The following NCF4 variants were observed in gnomAD, a reference collection of about 807,000 sequenced individuals.
NCF4 encodes neutrophil cytosol factor 4.
Under a neutral mutation model 41.7 loss-of-function variants are expected in NCF4, and 30 were observed. That is an observed-to-expected ratio of 0.72 (90% CI 0.54 to 0.97). The LOEUF is 0.97. NCF4 is among the 50% of genes least tolerant of loss of function. The probability of loss-of-function intolerance (pLI) is 0.00; values close to 1 mark genes in which losing one functional copy is unlikely to be tolerated. For missense variants in NCF4, 432 were observed against 460.9 expected (o/e 0.94, Z 0.57); for synonymous variants, 195 against 175.8 (o/e 1.11, Z -0.87).
Position 36,862,996 on chromosome 22 carries a change from C to G in NCF4, c.33-1049C>G, listed in dbSNP as rs35920078. On this transcript the variant is annotated intron_variant, in intron 1 of 9. Coordinates refer to ENST00000248899, the MANE Select transcript of NCF4 (RefSeq NM_000631.5). ...TGAACTGTGCGAGTGTGTCTTGAGCCAGAACATCCCGGCCCAGTAGGGCCT... is the reference window on the plus strand; with the variant it reads ...TGAACTGTGCGAGTGTGTCTTGAGCGAGAACATCCCGGCCCAGTAGGGCCT... Among the ~76,000 whole-genome samples the G allele has an allele frequency of 2.2e-3, 342 of 152,270 alleles. 1 individual carries two copies. Among genetic ancestry groups the G allele is most frequent in the African/African-American group, 7.7e-3 (319 of 41,548 alleles).
At chr22:36,875,528 C>T in intron 7 of NCF4, 125 bp from the exon 8 acceptor site, 1 of 859,892 alleles carries the variant, frequency 1.2e-6, no homozygotes, top group Non-Finnish European at 1.9e-6. Flanking sequence ...TCCCTCCTCC[C>T]TCTACAGAAG....
chr22:36,877,185 G>A (rs537313111), intron 9 of NCF4, among the ~76,000 whole-genome samples: 1 of 151,954 alleles, frequency 6.6e-6, no homozygotes, highest in East Asian at 1.9e-4. Context: ...TGCCCAGGCT[G>A]GAGTGCAGTG....
intron 1 of NCF4, among the ~76,000 whole-genome samples, chr22:36,862,398 C>A (rs1569109140): frequency 6.6e-6 from 1 of 152,184 alleles, no homozygotes; most frequent in African/African-American, 2.4e-5. Flanking sequence ...GTAAGGCTGG[C>A]CGACCTGAAT....
At chr22:36,874,714 T>C (rs1348162003) in intron 7 of NCF4, among the ~76,000 whole-genome samples, 2 of 152,210 alleles carry the variant, frequency 1.3e-5, no homozygotes, top group Non-Finnish European at 2.9e-5. Context: ...AAATAATCCA[T>C]GTTCCATAGG....
At chr22:36,862,828 C>T (rs1050787380) in intron 1 of NCF4, among the ~76,000 whole-genome samples, 9 of 152,166 alleles carry the variant, frequency 5.9e-5, no homozygotes, top group Non-Finnish European at 1.0e-4. Context: ...GTGGCAAGTT[C>T]GGTTCCAACA....
intron 7 of NCF4, among the ~76,000 whole-genome samples, chr22:36,873,003 T>C (rs573902417): frequency 6.9e-6 from 1 of 144,102 alleles, no homozygotes; most frequent in Non-Finnish European, 1.5e-5. Context: ...AGAGTGGAGG[T>C]GAGGATGGAG....
chr22:36,866,526 A>T (rs1939930517), intron 3 of NCF4, among the ~76,000 whole-genome samples: 1 of 151,630 alleles, frequency 6.6e-6, no homozygotes, highest in Non-Finnish European at 1.5e-5. Context: ...CTCATTCCAA[A>T]CACTCACCCT....
intron 4 of NCF4, among the ~76,000 whole-genome samples, chr22:36,869,133 G>A (rs950714821): frequency 1.3e-5 from 2 of 152,212 alleles, no homozygotes; most frequent in Non-Finnish European, 2.9e-5. Flanking sequence ...AAGTGTGACA[G>A]AGCAGTTAGG....
intron 4 of NCF4, among the ~76,000 whole-genome samples, chr22:36,868,404 G>A (rs13054824): frequency 0.071 from 10,753 of 152,340 alleles, 430 homozygotes; most frequent in Middle Eastern, 0.16. Context: ...GATCTGTCGA[G>A]AACAGGATGA....
Position 36,876,071 on chromosome 22 carries a change from G to T in NCF4, c.801G>T (p.Leu267Phe). The stretch of plus-strand genomic sequence containing the variant: ...AAGATCTCAGCAGCACTCCCCTATT[G>T]AAAGACCTGCTGGAGCTCACAAGGT... Reference protein sequence around the residue: ...VEEDLSSTPLLKDLLELTRRE... With the variant: ...VEEDLSSTPLFKDLLELTRRE... The change falls in exon 9 of 10, where the codon TTG becomes TTT. Residue 267 changes from leucine (L) to phenylalanine (F), a missense_variant. Coordinates refer to ENST00000248899, the MANE Select transcript of NCF4 (RefSeq NM_000631.5). The T allele has an allele frequency of 1.2e-6, 2 of 1,610,448 alleles. No individual in the cohort carries two copies. Among genetic ancestry groups the T allele is most frequent in the Non-Finnish European group, 1.7e-6 (2 of 1,177,480 alleles).
chr22:36,869,585 T>C (rs928908696), intron 4 of NCF4, among the ~76,000 whole-genome samples: 1 of 151,780 alleles, frequency 6.6e-6, no homozygotes, highest in African/African-American at 2.4e-5. Flanking sequence ...TCTGGGTGCC[T>C]CTGGAGCCTC....
intron 9 of NCF4, among the ~76,000 whole-genome samples, chr22:36,877,335 C>A (rs1185653827): frequency 6.6e-6 from 1 of 152,104 alleles, no homozygotes; most frequent in African/African-American, 2.4e-5. Context: ...CAGGGTTTCA[C>A]CATGTTGGCC....
intron 1 of NCF4, among the ~76,000 whole-genome samples, chr22:36,862,851 G>A (rs746728457): frequency 6.6e-6 from 1 of 152,186 alleles, no homozygotes; most frequent in Non-Finnish European, 1.5e-5. Context: ...CATGTTTTGA[G>A]CACCTACTAT....
rs1284788101 is a variant in NCF4 at position 36,874,017 on chromosome 22, C to T, written c.627+1592C>T. ...ACCTTTGGAAACTTGCTCAAACTTGCGGTTTCCTTTTCTGTAAATGTTTCT... is the reference window on the plus strand; with the variant it reads ...ACCTTTGGAAACTTGCTCAAACTTGTGGTTTCCTTTTCTGTAAATGTTTCT... On this transcript the variant is annotated intron_variant, in intron 7 of 9. Coordinates refer to ENST00000248899, the MANE Select transcript of NCF4 (RefSeq NM_000631.5). 3.9e-5 allele frequency among the ~76,000 whole-genome samples: 6 copies of T among 152,272 alleles called. No individual in the cohort carries two copies. In the South Asian group the frequency reaches 1.2e-3, roughly 32 times the overall value.
chr22:36,871,632 C>T lies in NCF4; in HGVS notation c.471-20C>T, dbSNP rs1341848394. ...CTGAGAGAATCACAGGGCTAACAAG[C>T]CCCTCTTCTCTCTCCACAGCAAGAG... On this transcript the variant is annotated intron_variant, in intron 5 of 9. Coordinates refer to ENST00000248899, the MANE Select transcript of NCF4 (RefSeq NM_000631.5). The T allele has an allele frequency of 6.4e-7, 1 of 1,558,032 alleles. No individual in the cohort carries two copies.
At chr22:36,868,501 G>A (rs1939980031) in intron 4 of NCF4, among the ~76,000 whole-genome samples, 2 of 152,210 alleles carry the variant, frequency 1.3e-5, no homozygotes, top group African/African-American at 2.4e-5. Context: ...GGAGGGCAGA[G>A]GAGGTGGGAG....
intron 7 of NCF4, among the ~76,000 whole-genome samples, chr22:36,872,900 T>TTGGAGGTGAGGGTGGAGGTGAGAC (rs1940104601): frequency 1.0e-5 from 1 of 96,280 alleles, no homozygotes; most frequent in African/African-American, 4.2e-5. Flanking sequence ...GGAGGTGAGA[T>TTGGAGGTGAGGGTGGAGGTGAGAC]TGGAGGTGAG....
chr22:36,872,420 CTGGAGGTGAGTTCAGAAGTGAGGA>C lies in NCF4; in HGVS notation c.627+6_627+29del, dbSNP rs1216004732. ...CCTCAGTCGGATCAACAAAGACTGG[CTGGAGGTGAGTTCAGAAGTGAGGA>C]TGGAGGTGAGATTGAAGGTGAGGTT... On this transcript the variant is annotated splice_donor_variant and splice_donor_5th_base_variant and coding_sequence_variant and intron_variant, in exon 7 of 10. Coordinates refer to ENST00000248899, the MANE Select transcript of NCF4 (RefSeq NM_000631.5). LOFTEE classifies it high-confidence loss of function. 1 of 1,604,586 alleles carries C rather than the reference CTGGAGGTGAGTTCAGAAGTGAGGA, an allele frequency of 6.2e-7. No homozygotes were observed. The highest frequency in any genetic ancestry group is 8.5e-7 in the Non-Finnish European group (1 of 1,171,512).
chr22:36,862,299 C>T (rs140519510), intron 1 of NCF4, among the ~76,000 whole-genome samples: 3 of 152,234 alleles, frequency 2.0e-5, no homozygotes, highest in African/African-American at 7.2e-5. Context: ...GAACCTGAAG[C>T]GTGGGTTGGG....
Sources: gnomAD v4.1 joint callset for allele counts (sites outside exome capture counted in the v4.1 genomes callset) on GRCh38, gnomAD v4.1.1 for gene constraint, MANE v1.5 for transcripts, NCBI Gene and HGNC (gene_info 2026-07-23, HGNC 2026-07-21) for gene names.